Variants in FSHR observed in about 807,000 individuals in gnomAD.
FSHR encodes the protein follicle stimulating hormone receptor, also known as follicle-stimulating hormone receptor.
A neutral mutation model predicts 52.1 loss-of-function variants in FSHR; 46 were observed. The observed-to-expected ratio is 0.88, with a 90% CI of 0.70 to 1.13. FSHR has a LOEUF of 1.13. FSHR is among the 50% of genes most tolerant of loss of function. The pLI is 0.00. For synonymous variants in FSHR, 399 were observed against 309.6 expected (o/e 1.29, Z -3.03); for missense variants, 964 against 834.6 (o/e 1.16, Z -1.91).
intron 1 of FSHR, among the ~76,000 whole-genome samples, chr2:49,122,465 C>A (rs756633474): frequency 6.6e-6 from 1 of 152,092 alleles, no homozygotes; most frequent in African/African-American, 2.4e-5. Context: ...TTCTCATTAC[C>A]CAAAAGTCTG....
At chr2:49,093,095 A>G (rs1359612159) in intron 1 of FSHR, among the ~76,000 whole-genome samples, 1 of 152,256 alleles carries the variant, frequency 6.6e-6, no homozygotes, top group Non-Finnish European at 1.5e-5. Context: ...TTTTTCATCC[A>G]TATTCATGAA....
intron 1 of FSHR, among the ~76,000 whole-genome samples, chr2:49,109,057 C>T (rs1467628070): frequency 1.3e-5 from 2 of 151,994 alleles, no homozygotes; most frequent in Admixed American, 1.3e-4. Flanking sequence ...AGCAAATCTG[C>T]CTGGGATTCT....
rs548317527 is a variant in FSHR at position 49,085,687 on chromosome 2, C to T, written c.153-17397G>A. Reference sequence around the variant, plus strand: ...CACGTATGTTTATTGGGGCACTATTCACAATAGCAAAGACTTGGAACCAAC... The same window carrying T: ...CACGTATGTTTATTGGGGCACTATTTACAATAGCAAAGACTTGGAACCAAC... On this transcript the variant is annotated intron_variant, in intron 1 of 9. Coordinates refer to ENST00000406846, the MANE Select transcript of FSHR (RefSeq NM_000145.4). Among the ~76,000 whole-genome samples, 6 of 152,216 alleles carry T rather than the reference C, an allele frequency of 3.9e-5. No individual in the cohort carries two copies. The East Asian group carries it at 1.2e-3, about 29-fold the overall frequency.
In FSHR at chr2:49,086,036, C is replaced by G. The variant is rs559988977; in HGVS notation, c.153-17746G>C. Among the ~76,000 whole-genome samples, 570 of 152,040 alleles carry G rather than the reference C, an allele frequency of 3.7e-3. 7 individuals are homozygous for G. The highest frequency in any genetic ancestry group is 0.013 in the African/African-American group (524 of 41,440). On this transcript the variant is annotated intron_variant, in intron 1 of 9. Coordinates refer to ENST00000406846, the MANE Select transcript of FSHR (RefSeq NM_000145.4). Reference sequence around the variant, plus strand: ...CTAAATGACGAGTTAATGGGTGCAGCACACCAACATGGCACATGTATACAT... The same window carrying G: ...CTAAATGACGAGTTAATGGGTGCAGGACACCAACATGGCACATGTATACAT...
intron 1 of FSHR, among the ~76,000 whole-genome samples, chr2:49,100,196 A>G (rs1670976732): frequency 6.6e-6 from 1 of 152,156 alleles, no homozygotes; most frequent in Non-Finnish European, 1.5e-5. Flanking sequence ...AAAGTTGCAT[A>G]GCTATATAGA....
intron 4 of FSHR, among the ~76,000 whole-genome samples, chr2:49,005,371 G>GCTT (rs1208676371): frequency 6.6e-6 from 1 of 152,120 alleles, no homozygotes; most frequent in Non-Finnish European, 1.5e-5. Flanking sequence ...AGTTGGCTCT[G>GCTT]CCAGGCAGAT....
At chr2:49,003,126 C>T (rs952020646) in intron 4 of FSHR, among the ~76,000 whole-genome samples, 34 of 152,130 alleles carry the variant, frequency 2.2e-4, no homozygotes, top group African/African-American at 7.7e-4. Flanking sequence ...CACAGCAGAA[C>T]ATTTTTGCGA....
chr2:49,009,243 A>G (rs1374262352), intron 4 of FSHR, among the ~76,000 whole-genome samples: 1 of 81,892 alleles, frequency 1.2e-5, no homozygotes, highest in Non-Finnish European at 3.5e-5. Flanking sequence ...CTTTCTACAT[A>G]TGGCTAGCCA....
At chr2:49,134,823 C>T (rs541670422) in intron 1 of FSHR, among the ~76,000 whole-genome samples, 1 of 152,018 alleles carries the variant, frequency 6.6e-6, no homozygotes, top group Non-Finnish European at 1.5e-5. Context: ...GAACAAAAAA[C>T]CAAACACCGC....
At chr2:48,968,489 C>G (rs1455597978) in intron 9 of FSHR, among the ~76,000 whole-genome samples, 2 of 152,238 alleles carry the variant, frequency 1.3e-5, no homozygotes, top group Non-Finnish European at 2.9e-5. Context: ...ATGGGTAGCC[C>G]TCTCCTGTGA....
At chr2:49,111,407 T>C (rs1485191242) in intron 1 of FSHR, among the ~76,000 whole-genome samples, 1 of 152,182 alleles carries the variant, frequency 6.6e-6, no homozygotes, top group Non-Finnish European at 1.5e-5. Flanking sequence ...TTATAGTTTT[T>C]GCCAAAAGAA....
intron 1 of FSHR, among the ~76,000 whole-genome samples, chr2:49,106,280 G>A (rs1464239006): frequency 6.6e-6 from 1 of 152,162 alleles, no homozygotes; most frequent in Non-Finnish European, 1.5e-5. Flanking sequence ...ACCTAGGAGT[G>A]AGTGACTATA....
At chr2:49,026,032 G>C (rs1026494511) in intron 2 of FSHR, among the ~76,000 whole-genome samples, 1 of 152,202 alleles carries the variant, frequency 6.6e-6, no homozygotes, top group African/African-American at 2.4e-5. Context: ...ATGACAGCCA[G>C]TGGTGCTATC....
chr2:49,145,966 G>A (rs1239452637), intron 1 of FSHR, among the ~76,000 whole-genome samples: 2 of 152,004 alleles, frequency 1.3e-5, no homozygotes, highest in Non-Finnish European at 1.5e-5. Flanking sequence ...GTAGAAAATA[G>A]CACATAGAGC....
intron 4 of FSHR, among the ~76,000 whole-genome samples, chr2:49,014,462 G>T (rs1271428879): frequency 6.6e-6 from 1 of 152,082 alleles, no homozygotes; most frequent in East Asian, 1.9e-4. Flanking sequence ...CAAAGGCATA[G>T]CTCTGTTTCC....
At chr2:48,970,325 G>T (rs77847873) in intron 8 of FSHR, among the ~76,000 whole-genome samples, 1 of 151,966 alleles carries the variant, frequency 6.6e-6, no homozygotes, top group African/African-American at 2.4e-5. Context: ...CAATTCAGTT[G>T]AGTTTCTCTT....
At chr2:49,048,976 A>G (rs926609883) in intron 2 of FSHR, among the ~76,000 whole-genome samples, 5 of 152,148 alleles carry the variant, frequency 3.3e-5, no homozygotes, top group African/African-American at 1.2e-4. Flanking sequence ...TGTGATGGGC[A>G]TGGGCTAAAT....
chr2:49,096,764 T>C (rs956553976), intron 1 of FSHR, among the ~76,000 whole-genome samples: 3 of 152,088 alleles, frequency 2.0e-5, no homozygotes, highest in Admixed American at 6.6e-5. Context: ...TGGTGGGAGG[T>C]ACCTGGATCA....
intron 1 of FSHR, among the ~76,000 whole-genome samples, chr2:49,150,325 T>C (rs865924914): frequency 9.9e-5 from 15 of 151,968 alleles, no homozygotes; most frequent in African/African-American, 3.1e-4. Flanking sequence ...TGGGAGGTTG[T>C]AAACTACCTC....
Sources: gnomAD v4.1 joint callset for allele counts (sites outside exome capture counted in the v4.1 genomes callset) on GRCh38, gnomAD v4.1.1 for gene constraint, MANE v1.5 for transcripts, NCBI Gene and HGNC (gene_info 2026-07-23, HGNC 2026-07-21) for gene names.